Variants in IL17A observed in about 807,000 individuals in gnomAD.
IL17A encodes the protein interleukin-17A.
A neutral mutation model predicts 7.2 loss-of-function variants in IL17A; 1 was observed. The observed-to-expected ratio is 0.14, with a 90% confidence interval of 0.05 to 0.66. The LOEUF (loss-of-function observed/expected upper bound fraction) is 0.66. IL17A is among the 30% of genes least tolerant of loss of function. The probability of loss-of-function intolerance (pLI) is 0.84; values close to 1 mark genes in which losing one functional copy is unlikely to be tolerated. For missense variants in IL17A, 191 were observed against 197.1 expected (o/e 0.97, Z 0.18); for synonymous variants, 90 against 77.7 (o/e 1.16, Z -0.83).
chr6:52,187,834 A>G, intron 2 of IL17A, 29 bp downstream of exon 2: 1 of 1,552,842 alleles, frequency 6.4e-7, no homozygotes, highest in Non-Finnish European at 8.9e-7. Flanking sequence ...TAAAAATGCT[A>G]TATTCTTCAT....
intron 2 of IL17A, among the ~76,000 whole-genome samples, 176 bp from the exon 3 acceptor site, chr6:52,188,879 G>GA (rs929453833): frequency 2.0e-4 from 30 of 150,814 alleles, no homozygotes; most frequent in African/African-American, 6.8e-4. Context: ...TCACGTGCTT[G>GA]AAAAAAAAAT....
At position 52,187,702 on chromosome 6, in the gene IL17A, C is replaced by T. The variant is rs566045823; in HGVS notation, c.127C>T (p.Arg43Trp). The T allele has an allele frequency of 3.0e-5, 48 of 1,613,986 alleles. No individual in the cohort carries two copies. The highest frequency in any genetic ancestry group is 1.1e-4 in the African/African-American group (8 of 75,036). ...CPNSEDKNFP[R>W]TVMVNLNIHN... is the part of the protein sequence containing the mutation. ...AAATTCTGAGGACAAGAACTTCCCC[C>T]GGACTGTGATGGTCAACCTGAACAT... Residue 43 changes from arginine (R) to tryptophan (W), a missense_variant, in exon 2 of 3, where the codon CGG (arginine) becomes TGG (tryptophan). By Grantham distance (101) the Arg-to-Trp change is moderately radical (BLOSUM62 -3). Transcript: ENST00000648244.
At chr6:52,186,683 T>C (rs1318800808) in intron 1 of IL17A, among the ~76,000 whole-genome samples, 1 of 152,222 alleles carries the variant, frequency 6.6e-6, no homozygotes, top group Non-Finnish European at 1.5e-5. Flanking sequence ...ATAGCTATAT[T>C]GGGGCTAAAC....
At chr6:52,186,911 A>C (rs916264853) in intron 1 of IL17A, among the ~76,000 whole-genome samples, 1 of 152,168 alleles carries the variant, frequency 6.6e-6, no homozygotes, top group Non-Finnish European at 1.5e-5. Context: ...TTCTAACTAA[A>C]CATAGGTATA....
intron 2 of IL17A, among the ~76,000 whole-genome samples, chr6:52,188,610 C>T (rs571760367): frequency 4.6e-5 from 7 of 152,256 alleles, no homozygotes; most frequent in South Asian, 4.1e-4. Context: ...CTCTGTCCCA[C>T]GAATGTGATC....
intron 2 of IL17A, among the ~76,000 whole-genome samples, chr6:52,188,093 T>TTTATTCAAAGAATAGCAG (rs1763315347): frequency 6.6e-6 from 1 of 152,232 alleles, no homozygotes; most frequent in Non-Finnish European, 1.5e-5. Flanking sequence ...AAGTCTATTC[T>TTTATTCAAAGAATAGCAG]TTATTTATTC....
Position 52,186,375 on chromosome 6 carries a change from G to C in IL17A, c.-57G>C, listed in dbSNP as rs947815261. 1.5e-5 allele frequency: 23 copies of C among 1,574,334 alleles called. No homozygotes were observed. Among genetic ancestry groups the C allele is most frequent in the Non-Finnish European group, 2.0e-5 (23 of 1,144,224 alleles). On this transcript the variant is annotated 5_prime_UTR_variant, in exon 1 of 3. Transcript: ENST00000648244. ...AAGAGAGACGATAGCGCTACATTTT[G>C]TCCATCTCATAGCAGGCACAAACTC... is the stretch of plus-strand genomic sequence containing the variant.
intron 2 of IL17A, among the ~76,000 whole-genome samples, chr6:52,188,264 T>A (rs1763317920): frequency 6.6e-6 from 1 of 152,216 alleles, no homozygotes; most frequent in African/African-American, 2.4e-5. Context: ...ATCACTGGGG[T>A]ATTTCTACCC....
Position 52,187,714 on chromosome 6 carries a change from G to A in IL17A, c.139G>A (p.Val47Ile). 6.2e-7 allele frequency: 1 copy of A among 1,613,974 alleles called. No individual in the cohort carries two copies. Among genetic ancestry groups the A allele is most frequent in the Non-Finnish European group, 8.5e-7 (1 of 1,179,894 alleles). ...EDKNFPRTVMVNLNIHNRNTN... is the reference protein window; with the variant it reads ...EDKNFPRTVMINLNIHNRNTN... The stretch of plus-strand genomic sequence containing the variant: ...CAAGAACTTCCCCCGGACTGTGATG[G>A]TCAACCTGAACATCCATAACCGGAA... The change falls in exon 2 of 3, where the codon GTC becomes ATC. Residue 47 changes from valine (V) to isoleucine (I), a missense_variant. Coordinates refer to ENST00000648244, the MANE Select transcript of IL17A (RefSeq NM_002190.3).
In IL17A at chr6:52,189,075, G is replaced by A; in HGVS notation, c.251G>A (p.Arg84Lys). The change falls in exon 3 of 3, where the codon AGA (arginine) becomes AAA (lysine). Residue 84 changes from arginine to lysine, a missense_variant. Coordinates refer to ENST00000648244, the MANE Select transcript of IL17A (RefSeq NM_002190.3). ...WNLHRNEDPE[R>K]YPSVIWEAKC... ...TGCAGCCGCAATGAGGACCCTGAGA[G>A]ATATCCCTCTGTGATCTGGGAGGCA... 1 of 1,613,976 alleles carries A rather than the reference G, an allele frequency of 6.2e-7. No individual in the cohort carries two copies. Among genetic ancestry groups the A allele is most frequent in the Non-Finnish European group, 8.5e-7 (1 of 1,179,910 alleles).
intron 1 of IL17A, 112 bp downstream of exon 1, chr6:52,186,570 A>T (rs1763289321): frequency 2.2e-6 from 2 of 928,546 alleles, no homozygotes; most frequent in South Asian, 1.5e-5. Flanking sequence ...AATACTGTAT[A>T]TGTAGGATAG....
At position 52,189,090 on chromosome 6, in the gene IL17A, T is replaced by C; in HGVS notation, c.266T>C (p.Ile89Thr). The part of the protein sequence containing the change: ...NEDPERYPSV[I>T]WEAKCRHLGC... Reference sequence around the variant, plus strand: ...GACCCTGAGAGATATCCCTCTGTGATCTGGGAGGCAAAGTGCCGCCACTTG... The same window carrying C: ...GACCCTGAGAGATATCCCTCTGTGACCTGGGAGGCAAAGTGCCGCCACTTG... Residue 89 changes from isoleucine (I) to threonine (T), a missense_variant, in exon 3 of 3, where the codon ATC (isoleucine) becomes ACC (threonine). Ile to Thr is a moderately conservative substitution (Grantham distance 89, BLOSUM62 -1). Coordinates refer to ENST00000648244, the MANE Select transcript of IL17A (RefSeq NM_002190.3). 6.2e-7 allele frequency: 1 copy of C among 1,614,092 alleles called. No individual in the cohort carries two copies. Among genetic ancestry groups the C allele is most frequent in the Non-Finnish European group, 8.5e-7 (1 of 1,179,968 alleles).
rs1256533574 is a variant in IL17A at position 52,187,624 on chromosome 6, C to T, written c.49C>T (p.Leu17=). The T allele has an allele frequency of 6.8e-6, 11 of 1,614,036 alleles. No homozygotes were observed. The highest frequency in any genetic ancestry group is 9.3e-6 in the Non-Finnish European group (11 of 1,179,910). Residue 17 remains leucine (L), a synonymous_variant, in exon 2 of 3, where the codon CTG becomes TTG. Transcript: ENST00000648244. ...SLVSLLLLLS[L]EAIVKAGITI... is the part of the protein sequence containing the mutation. ...CTAGTCACTGCTACTGCTGCTGAGC[C>T]TGGAGGCCATAGTGAAGGCAGGAAT...
chr6:52,188,859 C>G (rs1763327249), intron 2 of IL17A, among the ~76,000 whole-genome samples, 196 bp from the exon 3 acceptor site: 1 of 151,674 alleles, frequency 6.6e-6, no homozygotes, highest in Non-Finnish European at 1.5e-5. Flanking sequence ...GTCTTCTTTT[C>G]TATAACAATT....
chr6:52,186,821 T>C (rs2128261521), intron 1 of IL17A, among the ~76,000 whole-genome samples: 1 of 152,310 alleles, frequency 6.6e-6, no homozygotes, highest in Non-Finnish European at 1.5e-5. Flanking sequence ...TCACTATCCT[T>C]GAGATTTTGA....
At position 52,187,888 on chromosome 6, in the gene IL17A, A is replaced by G. The variant is rs1031846893; in HGVS notation, c.230+83A>G. On this transcript the variant is annotated intron_variant, in intron 2 of 2. Coordinates refer to ENST00000648244, the MANE Select transcript of IL17A (RefSeq NM_002190.3). ...TGCCAGTTAAATCTCCCTGAGGATGATTTTATTCATTTAGAATTACCAGTC... is the reference window on the plus strand; with the variant it reads ...TGCCAGTTAAATCTCCCTGAGGATGGTTTTATTCATTTAGAATTACCAGTC... 8.6e-6 allele frequency: 10 copies of G among 1,160,600 alleles called. No individual in the cohort carries two copies. The East Asian group carries it at 2.4e-4, about 27-fold the overall frequency. The allele number at this position is 1,160,600 out of a possible 1,614,324, so 71.9% of individuals were successfully genotyped here.
intron 2 of IL17A, 48 bp from the exon 3 acceptor site, chr6:52,189,007 C>A: frequency 7.1e-7 from 1 of 1,410,092 alleles, no homozygotes; most frequent in South Asian, 1.2e-5. Context: ...ATTTCTTTCC[C>A]ACTTTACCAG....
rs1010623828 is a variant in IL17A, at chr6:52,189,312, C to G, written c.*20C>G. On this transcript the variant is annotated 3_prime_UTR_variant, in exon 3 of 3. Coordinates refer to ENST00000648244, the MANE Select transcript of IL17A (RefSeq NM_002190.3). Reference sequence around the variant, plus strand: ...GCCTAAGAGCTCTGGGGAGCCCACACTCCCCAAAGCAGTTAGACTATGGAG... The same window carrying G: ...GCCTAAGAGCTCTGGGGAGCCCACAGTCCCCAAAGCAGTTAGACTATGGAG... 1 of 1,590,914 alleles carries G rather than the reference C, an allele frequency of 6.3e-7. No homozygotes were observed. The highest frequency in any genetic ancestry group is 1.3e-5 in the African/African-American group (1 of 74,440).
chr6:52,188,911 T>C (rs1022188817), intron 2 of IL17A, 144 bp from the exon 3 acceptor site: 9 of 604,794 alleles, frequency 1.5e-5, no homozygotes, highest in Admixed American at 3.1e-5. Flanking sequence ...CCAAAGTTCT[T>C]CTTCAAACTA....
Sources: allele counts gnomAD v4.1 joint callset (sites outside exome capture counted in the v4.1 genomes callset), GRCh38; gene constraint gnomAD v4.1.1; transcripts MANE v1.5; gene names NCBI Gene and HGNC (gene_info 2026-07-23, HGNC 2026-07-21).